The following ARHGAP15 variants were observed in gnomAD, a reference collection of about 807,000 sequenced individuals.
ARHGAP15 encodes rho GTPase-activating protein 15.
A neutral mutation model predicts 63.7 loss-of-function variants in ARHGAP15; 51 were observed. That is an observed-to-expected ratio of 0.80 (90% CI 0.64 to 1.01). The LOEUF (loss-of-function observed/expected upper bound fraction) is 1.01. Among genes scored for constraint, ARHGAP15 ranks in the 50% least tolerant of loss-of-function variants. ARHGAP15 has a pLI of 0.00. For synonymous variants in ARHGAP15, 191 were observed against 193.8 expected (o/e 0.99, Z 0.12); for missense variants, 560 against 564.6 (o/e 0.99, Z 0.08).
At chr2:143,698,264 C>T (rs893893369) in intron 12 of ARHGAP15, among the ~76,000 whole-genome samples, 26 of 152,146 alleles carry the variant, frequency 1.7e-4, no homozygotes, top group Non-Finnish European at 5.9e-5. Flanking sequence ...ATCCAAGGTT[C>T]TTCACTGTAC....
At chr2:143,397,861 T>G (rs562951638) in intron 6 of ARHGAP15, among the ~76,000 whole-genome samples, 1 of 152,240 alleles carries the variant, frequency 6.6e-6, no homozygotes, top group Admixed American at 6.6e-5. Flanking sequence ...GAAATGTATA[T>G]AGATAGATTC....
At chr2:143,468,498 C>T (rs1691347481) in intron 8 of ARHGAP15, among the ~76,000 whole-genome samples, 1 of 152,082 alleles carries the variant, frequency 6.6e-6, no homozygotes. Flanking sequence ...TACTATTCAA[C>T]TAATAAAACT....
chr2:143,500,153 T>A (rs986898619), intron 9 of ARHGAP15, among the ~76,000 whole-genome samples: 33 of 151,794 alleles, frequency 2.2e-4, no homozygotes, highest in African/African-American at 7.7e-4. Flanking sequence ...TACAATATTG[T>A]GACCTAGCTC....
chr2:143,674,946 C>T (rs1021008443), intron 12 of ARHGAP15, among the ~76,000 whole-genome samples: 6 of 152,146 alleles, frequency 3.9e-5, no homozygotes, highest in Non-Finnish European at 7.3e-5. Flanking sequence ...AGATTTGCCA[C>T]ATCATGGGCC....
chr2:143,250,259 G>A (rs192541365), intron 5 of ARHGAP15, among the ~76,000 whole-genome samples: 1 of 151,866 alleles, frequency 6.6e-6, no homozygotes, highest in East Asian at 1.9e-4. Flanking sequence ...CAAAATATCA[G>A]TATTCTAGAT....
chr2:143,391,475 C>A (rs1328009193), intron 6 of ARHGAP15, among the ~76,000 whole-genome samples: 1 of 152,088 alleles, frequency 6.6e-6, no homozygotes, highest in Non-Finnish European at 1.5e-5. Context: ...CTATGCAGCA[C>A]AATACAAGTT....
intron 6 of ARHGAP15, among the ~76,000 whole-genome samples, chr2:143,312,874 C>T (rs1027860715): frequency 6.6e-6 from 1 of 152,080 alleles, no homozygotes; most frequent in Non-Finnish European, 1.5e-5. Context: ...TTTCTGATGT[C>T]TTAATTTAAA....
chr2:143,686,360 G>A (rs1683342245), intron 12 of ARHGAP15, among the ~76,000 whole-genome samples: 2 of 122,220 alleles, frequency 1.6e-5, no homozygotes, highest in Non-Finnish European at 3.2e-5. Context: ...CTCCACCCTG[G>A]GTGACAGAGC....
chr2:143,734,249 A>G (rs780018216), intron 13 of ARHGAP15, among the ~76,000 whole-genome samples: 4 of 152,164 alleles, frequency 2.6e-5, no homozygotes, highest in Non-Finnish European at 5.9e-5. Context: ...CAATTTACTT[A>G]CTGACCTTCA....
At chr2:143,390,747 A>G (rs892740127) in intron 6 of ARHGAP15, among the ~76,000 whole-genome samples, 3 of 150,662 alleles carry the variant, frequency 2.0e-5, no homozygotes, top group African/African-American at 7.3e-5. Flanking sequence ...ACACACACAC[A>G]CACACACACA....
chr2:143,640,979 T>C (rs1680571179), intron 12 of ARHGAP15: 2 of 152,128 alleles, frequency 1.3e-5, no homozygotes, highest in South Asian at 4.1e-4. Context: ...TTAGTTCACT[T>C]TGCAGACTGA....
intron 6 of ARHGAP15, among the ~76,000 whole-genome samples, chr2:143,292,291 G>T (rs1682439501): frequency 6.6e-6 from 1 of 151,998 alleles, no homozygotes; most frequent in Non-Finnish European, 1.5e-5. Flanking sequence ...AAGTGTTGCT[G>T]CTTTTTTTTA....
At chr2:143,313,098 A>G (rs1173201529) in intron 6 of ARHGAP15, among the ~76,000 whole-genome samples, 3 of 152,150 alleles carry the variant, frequency 2.0e-5, no homozygotes, top group Admixed American at 6.6e-5. Flanking sequence ...AAAATTCCTA[A>G]CTGTATGTTA....
At chr2:143,575,125 C>G (rs1331622448) in intron 11 of ARHGAP15, among the ~76,000 whole-genome samples, 9 of 152,144 alleles carry the variant, frequency 5.9e-5, no homozygotes, top group African/African-American at 2.2e-4. Context: ...ATATATTTCT[C>G]TAGTGAAAAT....
intron 6 of ARHGAP15, among the ~76,000 whole-genome samples, chr2:143,309,139 G>T (rs764426794): frequency 6.6e-5 from 10 of 151,974 alleles, no homozygotes; most frequent in Non-Finnish European, 1.3e-4. Flanking sequence ...AAGGAGATTT[G>T]TTCAGCTAAT....
chr2:143,376,419 C>CTATCAAATCAATTTGATAGAATCAA, intron 6 of ARHGAP15, among the ~76,000 whole-genome samples: 1 of 152,132 alleles, frequency 6.6e-6, no homozygotes, highest in Non-Finnish European at 1.5e-5. Context: ...CAATTCACTG[C>CTATCAAATCAATTTGATAGAATCAA]AGCCTACTCT....
intron 12 of ARHGAP15, among the ~76,000 whole-genome samples, chr2:143,692,662 C>T (rs892012648): frequency 1.3e-5 from 2 of 152,136 alleles, no homozygotes; most frequent in Non-Finnish European, 2.9e-5. Flanking sequence ...ATTAGGCCAC[C>T]ATTTTACAAT....
chr2:143,356,313 G>A (rs549208246), intron 6 of ARHGAP15, among the ~76,000 whole-genome samples: 23 of 152,116 alleles, frequency 1.5e-4, no homozygotes, highest in African/African-American at 5.5e-4. Context: ...TCTAATATAT[G>A]CAAAATTTAG....
At chr2:143,744,073 A>G (rs1288341427) in intron 13 of ARHGAP15, among the ~76,000 whole-genome samples, 4 of 152,226 alleles carry the variant, frequency 2.6e-5, no homozygotes, top group Admixed American at 6.5e-5. Flanking sequence ...TTGTATTTAT[A>G]GCTAACTCAC....
Sources: allele counts gnomAD v4.1 joint callset (sites outside exome capture counted in the v4.1 genomes callset), GRCh38; gene constraint gnomAD v4.1.1; transcripts MANE v1.5; gene names NCBI Gene and HGNC (gene_info 2026-07-23, HGNC 2026-07-21).